PTPRM: variants seen among roughly 807,000 people sequenced by gnomAD.
The protein encoded by PTPRM is protein tyrosine phosphatase receptor type M, also known as receptor-type tyrosine-protein phosphatase mu.
A neutral mutation model predicts 186.7 loss-of-function variants in PTPRM; 47 were observed. That is an observed-to-expected ratio of 0.25 (90% CI 0.20 to 0.32). PTPRM has a LOEUF of 0.32. Ranked by LOEUF, PTPRM falls within the 10% of genes least tolerant of loss-of-function variation. The pLI is 1.00. For synonymous variants in PTPRM, 668 were observed against 674.9 expected (o/e 0.99, Z 0.16); for missense variants, 1,494 against 1,865.0 (o/e 0.80, Z 3.66).
intron 1 of PTPRM, among the ~76,000 whole-genome samples, chr18:7,746,763 GC>G (rs2040998455): frequency 6.6e-6 from 1 of 152,164 alleles, no homozygotes; most frequent in Non-Finnish European, 1.5e-5. Flanking sequence ...ACTGCACCTG[GC>G]CCCATCATAG....
chr18:8,389,055 C>T (rs1426892011), intron 31 of PTPRM, among the ~76,000 whole-genome samples: 1 of 152,144 alleles, frequency 6.6e-6, no homozygotes, highest in East Asian at 1.9e-4. Flanking sequence ...AATCCAGATC[C>T]AACCTCTGAT....
At chr18:7,706,601 C>CA (rs766639399) in intron 1 of PTPRM, among the ~76,000 whole-genome samples, 3,927 of 16,126 alleles carry the variant, frequency 0.24, 1,067 homozygotes, top group East Asian at 0.39. Context: ...GACCTTGTCT[C>CA]AAAAAAAAAA....
chr18:8,286,943 C>T (rs2094963468), intron 19 of PTPRM, among the ~76,000 whole-genome samples: 1 of 151,270 alleles, frequency 6.6e-6, no homozygotes, highest in African/African-American at 2.4e-5. Flanking sequence ...TTCTGCTATA[C>T]TTATTCATTT....
intron 5 of PTPRM, among the ~76,000 whole-genome samples, chr18:7,927,472 GTGGGT>G (rs2051241953): frequency 8.2e-6 from 1 of 122,366 alleles, no homozygotes; most frequent in Non-Finnish European, 1.7e-5. Context: ...TTGTGTGGGT[GTGGGT>G]TTTTTTTTTT....
chr18:8,379,568 G>A (rs1162389851), intron 28 of PTPRM, among the ~76,000 whole-genome samples: 1 of 152,206 alleles, frequency 6.6e-6, no homozygotes, highest in Non-Finnish European at 1.5e-5. Context: ...AATGCAGCAT[G>A]GCACAGTTGC....
rs113696100 is a variant in PTPRM at position 7,913,858 on chromosome 18, T to A, written c.547+7275T>A. Reference sequence around the variant, plus strand: ...GAGATAAAGCCCTTCTAAACCCATGTGCTGTATATTGGATAAATTGAATAC... The same window carrying A: ...GAGATAAAGCCCTTCTAAACCCATGAGCTGTATATTGGATAAATTGAATAC... On this transcript the variant is annotated intron_variant, in intron 4 of 32. Transcript: ENST00000580170. Among the ~76,000 whole-genome samples the A allele has an allele frequency of 5.8e-3, 883 of 152,278 alleles. 12 individuals are homozygous for A. Among genetic ancestry groups the A allele is most frequent in the African/African-American group, 0.02 (848 of 41,574 alleles).
At chr18:7,881,248 A>T (rs747302048) in intron 2 of PTPRM, among the ~76,000 whole-genome samples, 1 of 152,170 alleles carries the variant, frequency 6.6e-6, no homozygotes, top group Non-Finnish European at 1.5e-5. Flanking sequence ...CAGCCTGGCC[A>T]ACATGGTGAA....
chr18:8,027,574 G>C (rs1020486949), intron 7 of PTPRM, among the ~76,000 whole-genome samples: 1 of 152,138 alleles, frequency 6.6e-6, no homozygotes, highest in African/African-American at 2.4e-5. Flanking sequence ...ATACATATGT[G>C]TATAAAAGTA....
At chr18:7,714,890 A>G (rs2040291783) in intron 1 of PTPRM, among the ~76,000 whole-genome samples, 2 of 152,190 alleles carry the variant, frequency 1.3e-5, no homozygotes, top group African/African-American at 2.4e-5. Context: ...CTACCAACCA[A>G]AAAAAGCCTA....
In PTPRM at chr18:8,378,356, A is replaced by G. The variant is rs1366313632; in HGVS notation, c.3554A>G (p.Tyr1185Cys). 6.2e-7 allele frequency: 1 copy of G among 1,614,058 alleles called. No homozygotes were observed. Among genetic ancestry groups the G allele is most frequent in the South Asian group, 1.1e-5 (1 of 91,082 alleles). The change falls in exon 27 of 33, where the codon TAT (tyrosine) becomes TGT (cysteine). Residue 1185 changes from tyrosine (Y) to cysteine (C), a missense_variant. Tyr to Cys is a radical substitution (Grantham distance 194). Coordinates refer to ENST00000580170, the MANE Select transcript of PTPRM (RefSeq NM_001105244.2). The part of the protein sequence containing the change: ...VPASQVRSLY[Y>C]DMNKLDPQTN... ...GCTTCCCAAGTTAGGTCTCTGTATT[A>G]TGACATGAACAAACTGGATCCACAG... is the stretch of plus-strand genomic sequence containing the variant.
intron 23 of PTPRM, among the ~76,000 whole-genome samples, chr18:8,355,544 G>C (rs968539901): frequency 4.3e-4 from 66 of 152,072 alleles, no homozygotes; most frequent in Non-Finnish European, 7.6e-4. Context: ...GAGCCCCAAA[G>C]GATTTGGGTG....
At position 8,244,208 on chromosome 18, in the gene PTPRM, A is replaced by G. The variant is rs1246651881; in HGVS notation, c.2451A>G (p.Arg817=). The G allele has an allele frequency of 6.4e-7, 1 of 1,551,204 alleles. No homozygotes were observed. Among genetic ancestry groups the G allele is most frequent in the South Asian group, 1.3e-5 (1 of 79,242 alleles). Residue 817 remains arginine (R), a splice_region_variant and synonymous_variant, in exon 15 of 33, where the codon AGA becomes AGG. Transcript: ENST00000580170. ...SFMDTHNLNG[R]SVSSPSSFTM... is the part of the protein sequence containing the mutation. The stretch of plus-strand genomic sequence containing the variant: ...TGGACACGCACAATCTGAATGGGAG[A>G]TGTAAGTGCATATGTTTCTTGGCTT...
intron 7 of PTPRM, among the ~76,000 whole-genome samples, chr18:8,037,923 C>T (rs1359574824): frequency 1.3e-5 from 2 of 152,076 alleles, no homozygotes; most frequent in Admixed American, 6.6e-5. Flanking sequence ...GTGTTTTCCT[C>T]CTCTTTATGT....
At chr18:8,037,663 T>A (rs987523389) in intron 7 of PTPRM, among the ~76,000 whole-genome samples, 1 of 151,734 alleles carries the variant, frequency 6.6e-6, no homozygotes, top group African/African-American at 2.4e-5. Context: ...CTCTGATTAT[T>A]TTTTTTTCTC....
In PTPRM at chr18:8,387,379, G is replaced by C. The variant is rs181502088; in HGVS notation, c.4208+144G>C. 83 of 843,716 alleles carry C rather than the reference G, an allele frequency of 9.8e-5. 1 individual carries two copies. The Admixed American group carries it at 1.6e-3, about 17-fold the overall frequency. 52.3% of individuals were successfully genotyped at this position (843,716 alleles called of 1,614,324 possible). ...AAGGGGTGATCATGACACTCAGTGA[G>C]GGATTGGTTGGCTTTTCAGGAAACA... is the stretch of plus-strand genomic sequence containing the variant. On this transcript the variant is annotated intron_variant, in intron 31 of 32. Coordinates refer to ENST00000580170, the MANE Select transcript of PTPRM (RefSeq NM_001105244.2).
At chr18:7,991,125 C>A (rs2083246182) in intron 7 of PTPRM, among the ~76,000 whole-genome samples, 1 of 152,100 alleles carries the variant, frequency 6.6e-6, no homozygotes, top group African/African-American at 2.4e-5. Flanking sequence ...TCTTCCATGA[C>A]CTTAAGAAGG....
chr18:7,796,907 T>C (rs1038235827), intron 2 of PTPRM, among the ~76,000 whole-genome samples: 1 of 152,202 alleles, frequency 6.6e-6, no homozygotes, highest in Non-Finnish European at 1.5e-5. Context: ...ATGTAACTTT[T>C]AGGGACCAAA....
At chr18:7,912,121 G>T (rs1390582330) in intron 4 of PTPRM, among the ~76,000 whole-genome samples, 1 of 151,944 alleles carries the variant, frequency 6.6e-6, no homozygotes, top group African/African-American at 2.4e-5. Flanking sequence ...CAAAGTGCTG[G>T]GATTACAGGC....
At chr18:8,086,101 G>A (rs535856947) in intron 10 of PTPRM, among the ~76,000 whole-genome samples, 9 of 152,256 alleles carry the variant, frequency 5.9e-5, no homozygotes, top group South Asian at 2.1e-4. Context: ...TTAGCAGGGC[G>A]TCTTGGAGGA....
Sources: allele counts gnomAD v4.1 joint callset (sites outside exome capture counted in the v4.1 genomes callset), GRCh38; gene constraint gnomAD v4.1.1; transcripts MANE v1.5; gene names NCBI Gene and HGNC (gene_info 2026-07-23, HGNC 2026-07-21).